IQCJ: variants seen among roughly 807,000 people sequenced by gnomAD.
IQCJ encodes IQ domain-containing protein J.
In IQCJ, 9 loss-of-function variants were observed where a neutral mutation model predicts 11.0. The observed-to-expected ratio is 0.82, with a 90% CI of 0.49 to 1.43. IQCJ has a LOEUF of 1.43. Ranked by LOEUF, IQCJ falls within the 40% of genes most tolerant of loss-of-function variation. IQCJ has a pLI of 0.00. For synonymous variants in IQCJ, 55 were observed against 51.3 expected (o/e 1.07, Z -0.31); for missense variants, 146 against 133.2 (o/e 1.10, Z -0.47).
intron 1 of IQCJ, among the ~76,000 whole-genome samples, chr3:159,199,173 A>G (rs900766950): frequency 1.3e-5 from 2 of 152,212 alleles, no homozygotes; most frequent in African/African-American, 4.8e-5. Context: ...TATATGACCA[A>G]ACAGACTGCA....
At chr3:159,234,250 G>A (rs1246980543) in intron 1 of IQCJ, among the ~76,000 whole-genome samples, 1 of 152,204 alleles carries the variant, frequency 6.6e-6, no homozygotes, top group Non-Finnish European at 1.5e-5. Context: ...TAATTTTTAA[G>A]AGATAATTCA....
chr3:159,108,916 G>A (rs1457869952), intron 1 of IQCJ, among the ~76,000 whole-genome samples: 1 of 152,246 alleles, frequency 6.6e-6, no homozygotes, highest in African/African-American at 2.4e-5. Flanking sequence ...AGAGGAGGGA[G>A]TGGGTTTTGT....
intron 1 of IQCJ, among the ~76,000 whole-genome samples, chr3:159,075,885 C>T (rs1715878491): frequency 6.6e-6 from 1 of 151,998 alleles, no homozygotes; most frequent in South Asian, 2.1e-4. Context: ...GATTTGGACC[C>T]AGGGCCTGAG....
At chr3:159,122,032 G>A (rs1293118509) in intron 1 of IQCJ, among the ~76,000 whole-genome samples, 3 of 152,332 alleles carry the variant, frequency 2.0e-5, no homozygotes, top group South Asian at 2.1e-4. Context: ...GGAGTCTGGA[G>A]TTCCAAGATC....
In IQCJ at chr3:159,255,549, G is replaced by A. The variant is rs533695443; in HGVS notation, c.155+2742G>A. Among the ~76,000 whole-genome samples, 18 of 152,280 alleles carry A rather than the reference G, an allele frequency of 1.2e-4. No homozygotes were observed. In the East Asian group the frequency reaches 2.7e-3, roughly 23 times the overall value. On this transcript the variant is annotated intron_variant, in intron 3 of 3. Transcript: ENST00000397832. ...ATAAGAAAGTGTAAACCTGCGTGTG[G>A]CAATGCAAAGTATCAGTGGCAGGAG...
intron 1 of IQCJ, among the ~76,000 whole-genome samples, chr3:159,159,828 T>G (rs2108216810): frequency 6.6e-6 from 1 of 152,072 alleles, no homozygotes; most frequent in South Asian, 2.1e-4. Flanking sequence ...TATTACTCTC[T>G]CTCTCTCTTT....
At chr3:159,142,185 A>G (rs1720641141) in intron 1 of IQCJ, among the ~76,000 whole-genome samples, 1 of 152,132 alleles carries the variant, frequency 6.6e-6, no homozygotes, top group South Asian at 2.1e-4. Context: ...TTTGTTTTTT[A>G]GTCTGCAGTC....
intron 1 of IQCJ, among the ~76,000 whole-genome samples, chr3:159,197,424 T>A (rs1724053971): frequency 6.6e-6 from 1 of 152,162 alleles, no homozygotes; most frequent in Non-Finnish European, 1.5e-5. Context: ...CTCCCTTCAA[T>A]CTGTCTTTGA....
intron 1 of IQCJ, among the ~76,000 whole-genome samples, chr3:159,133,459 G>A (rs985424447): frequency 6.6e-6 from 1 of 152,154 alleles, no homozygotes; most frequent in Admixed American, 6.5e-5. Context: ...GAGTTTTTGA[G>A]CCAACTAATT....
intron 3 of IQCJ, among the ~76,000 whole-genome samples, chr3:159,258,261 T>C (rs777205948): frequency 2.6e-5 from 4 of 152,144 alleles, no homozygotes; most frequent in Non-Finnish European, 5.9e-5. Flanking sequence ...AGGGCCTTTT[T>C]CTCATAGTCT....
intron 1 of IQCJ, among the ~76,000 whole-genome samples, chr3:159,243,321 A>T (rs1727047781): frequency 6.6e-6 from 1 of 152,220 alleles, no homozygotes; most frequent in Non-Finnish European, 1.5e-5. Flanking sequence ...TTGCACAGCA[A>T]TGATCATAGC....
chr3:159,241,844 A>T (rs878908516), intron 1 of IQCJ, among the ~76,000 whole-genome samples: 1 of 152,266 alleles, frequency 6.6e-6, no homozygotes, highest in South Asian at 2.1e-4. Context: ...AGACAATCAA[A>T]CACAAATACA....
intron 1 of IQCJ, chr3:159,069,876 T>C (rs868083841): frequency 2.2e-5 from 8 of 364,290 alleles, no homozygotes; most frequent in Admixed American, 3.0e-5. Context: ...TGTGTGTGTG[T>C]GTGTGTGTGT....
intron 1 of IQCJ, among the ~76,000 whole-genome samples, chr3:159,135,803 A>G (rs1009099111): frequency 6.6e-6 from 1 of 152,194 alleles, no homozygotes; most frequent in Non-Finnish European, 1.5e-5. Flanking sequence ...TTTCTGCCAC[A>G]TGTAACCTTT....
chr3:159,115,424 C>G (rs764470134), intron 1 of IQCJ, among the ~76,000 whole-genome samples: 1 of 152,134 alleles, frequency 6.6e-6, no homozygotes, highest in Non-Finnish European at 1.5e-5. Context: ...GTTTGGGAGC[C>G]TCAACTAACT....
At chr3:159,222,257 A>C (rs533198743) in intron 1 of IQCJ, among the ~76,000 whole-genome samples, 2 of 152,224 alleles carry the variant, frequency 1.3e-5, no homozygotes, top group East Asian at 3.9e-4. Flanking sequence ...CTGTCAATGG[A>C]TGAATGGATA....
chr3:159,211,248 A>G (rs1459736814), intron 1 of IQCJ, among the ~76,000 whole-genome samples: 1 of 152,222 alleles, frequency 6.6e-6, no homozygotes, highest in Non-Finnish European at 1.5e-5. Context: ...GTGGATGAGG[A>G]AGGCCAGGAA....
intron 1 of IQCJ, among the ~76,000 whole-genome samples, chr3:159,226,136 G>T (rs1560032441): frequency 6.6e-6 from 1 of 152,110 alleles, no homozygotes; most frequent in Non-Finnish European, 1.5e-5. Context: ...GGGCTTTATG[G>T]TGGTTCCATT....
intron 3 of IQCJ, 126 bp downstream of exon 3, chr3:159,252,933 C>A: frequency 1.1e-6 from 1 of 875,764 alleles, no homozygotes; most frequent in African/African-American, 1.7e-5. Flanking sequence ...CATATTATTT[C>A]CTCCCTCTTC....
Sources: gnomAD v4.1 joint callset for allele counts (sites outside exome capture counted in the v4.1 genomes callset) on GRCh38, gnomAD v4.1.1 for gene constraint, MANE v1.5 for transcripts, NCBI Gene and HGNC (gene_info 2026-07-23, HGNC 2026-07-21) for gene names.